The following MCM10 variants were observed in gnomAD, a reference collection of about 807,000 sequenced individuals.
MCM10 encodes the protein minichromosome maintenance 10 replication initiation factor.
In MCM10, 91 loss-of-function variants were observed where a neutral mutation model predicts 109.9. The observed-to-expected ratio is 0.83, with a 90% CI of 0.70 to 0.99. MCM10 has a LOEUF of 0.99. Ranked by LOEUF, MCM10 falls within the 50% of genes least tolerant of loss-of-function variation. MCM10 has a pLI of 0.00. For synonymous variants in MCM10, 380 were observed against 387.2 expected, an observed-to-expected ratio of 0.98 and a Z score of 0.22; for missense variants, 1,077 against 1,061.2, an observed-to-expected ratio of 1.01 and a Z score of -0.21.
At position 13,201,538 on chromosome 10, in the gene MCM10, G is replaced by A; in HGVS notation, c.2352+4G>A. 2 of 1,599,992 alleles carry A rather than the reference G, an allele frequency of 1.3e-6. No individual in the cohort carries two copies. The highest frequency in any genetic ancestry group is 1.7e-6 in the Non-Finnish European group (2 of 1,172,036). ...CCGTGTCGTGACATGCAAGACGGTG[G>A]GTGAAGGTGGGGGCTGCAGCAACCC... On this transcript the variant is annotated splice_donor_region_variant and intron_variant, in intron 17 of 19. Transcript: ENST00000378714.
intron 8 of MCM10, among the ~76,000 whole-genome samples, chr10:13,185,554 A>T (rs1834264241): frequency 6.6e-6 from 1 of 152,208 alleles, no homozygotes; most frequent in South Asian, 2.1e-4. Context: ...CTTATCACAT[A>T]ACCAATGCTA....
intron 16 of MCM10, among the ~76,000 whole-genome samples, chr10:13,200,698 C>T (rs78709973): frequency 0.051 from 7,832 of 152,342 alleles, 276 homozygotes; most frequent in Admixed American, 0.086. Flanking sequence ...TCCCTGATGT[C>T]CCGTGCACCC....
At position 13,192,289 on chromosome 10, in the gene MCM10, G is replaced by A. The variant is rs1345698434; in HGVS notation, c.1551G>A (p.Glu517=). The change falls in exon 12 of 20, where the codon GAG becomes GAA. Residue 517 remains glutamate, a synonymous_variant. Transcript: ENST00000378714. ...AGAAGAGCCTGTCTTGCTCTGAGGA[G>A]TTCAAGGAACTGATGGACCTGCCGA... ...IPQKSLSCSE[E]FKELMDLPTC... is the part of the protein sequence containing the mutation. The A allele has an allele frequency of 6.2e-7, 1 of 1,614,168 alleles. No homozygotes were observed. The highest frequency in any genetic ancestry group is 8.5e-7 in the Non-Finnish European group (1 of 1,180,008).
intron 2 of MCM10, among the ~76,000 whole-genome samples, chr10:13,166,751 G>C (rs1834007101): frequency 6.6e-6 from 1 of 150,820 alleles, no homozygotes; most frequent in Admixed American, 6.6e-5. Flanking sequence ...ACAGTGTGAA[G>C]TGGTCAGAGC....
rs762440212 is a variant in MCM10, at chr10:13,195,264, A to G, written c.1969A>G (p.Lys657Glu). The change falls in exon 14 of 20, where the codon AAA becomes GAA. Residue 657 changes from lysine to glutamate, a missense_variant. Physicochemically the swap from Lys to Glu is moderately conservative, Grantham distance 56. Transcript: ENST00000378714. The part of the protein sequence containing the change: ...RPKLSALAEA[K>E]KLAAITKLRA... ...AAAACTGAGTGCTTTAGCAGAAGCC[A>G]AAAAGGTAACTGGCATCTCTTCTCT... 1.3e-6 allele frequency: 2 copies of G among 1,593,380 alleles called. No individual in the cohort carries two copies. Among genetic ancestry groups the G allele is most frequent in the Non-Finnish European group, 1.7e-6 (2 of 1,168,200 alleles).
chr10:13,203,919 C>T (rs1045142868), intron 17 of MCM10, among the ~76,000 whole-genome samples: 1 of 152,170 alleles, frequency 6.6e-6, no homozygotes. Flanking sequence ...CAGTACGTTT[C>T]CTCTCCTGCC....
chr10:13,201,568 G>A (rs761341265), intron 17 of MCM10, 34 bp downstream of exon 17: 4 of 1,487,012 alleles, frequency 2.7e-6, no homozygotes, highest in Middle Eastern at 1.9e-4. Context: ...CAACCCATGG[G>A]CCCTGTGTGG....
At position 13,171,259 on chromosome 10, in the gene MCM10, G is replaced by C; in HGVS notation, c.345G>C (p.Leu115Phe). 1.2e-6 allele frequency: 2 copies of C among 1,606,364 alleles called. No individual in the cohort carries two copies. The highest frequency in any genetic ancestry group is 1.7e-4 in the Middle Eastern group (1 of 5,928). ...APRREKTNEE[L>F]QEELRNLQEQ... ...GGCGAGAGAAAACGAATGAAGAGTT[G>C]CAAGGTGCCCTAACTACTTGCCTTC... The change falls in exon 3 of 20, where the codon TTG becomes TTC. Residue 115 changes from leucine (L) to phenylalanine (F), a missense_variant. By Grantham distance (22) the Leu-to-Phe change is conservative. Coordinates refer to ENST00000378714, the MANE Select transcript of MCM10 (RefSeq NM_018518.5).
rs1476415290 is a variant in MCM10, at chr10:13,204,450, T to C, written c.2498+86T>C. 36 of 1,511,348 alleles carry C rather than the reference T, an allele frequency of 2.4e-5. No individual in the cohort carries two copies. In the South Asian group the frequency reaches 3.4e-4, roughly 14 times the overall value. 93.6% of individuals were successfully genotyped at this position (1,511,348 alleles called of 1,614,324 possible). On this transcript the variant is annotated intron_variant, in intron 18 of 19. Transcript: ENST00000378714. ...TCTGTGATTCTGTTCCCTTGGAACG[T>C]TGGATGATCATTCCATGCCTTCCTA...
intron 9 of MCM10, 58 bp from the exon 10 acceptor site, chr10:13,188,823 C>A: frequency 1.4e-6 from 2 of 1,429,530 alleles, no homozygotes; most frequent in South Asian, 2.3e-5. Context: ...TGTGTCTGCT[C>A]ACTGCTGTTT....
intron 15 of MCM10, 57 bp from the exon 16 acceptor site, chr10:13,198,632 C>T (rs1036503185): frequency 1.8e-5 from 20 of 1,110,832 alleles, no homozygotes; most frequent in African/African-American, 7.7e-5. Context: ...GTTGATGAGG[C>T]GCACTGGCTT....
intron 15 of MCM10, 149 bp downstream of exon 15, chr10:13,197,916 GAT>G: frequency 1.7e-6 from 1 of 605,700 alleles, no homozygotes. Context: ...GGGTGGAACT[GAT>G]TTTTTTTTTT....
chr10:13,163,590 A>AGGGT (rs976932893), intron 1 of MCM10, among the ~76,000 whole-genome samples: 2 of 128,088 alleles, frequency 1.6e-5, no homozygotes, highest in African/African-American at 5.4e-5. Flanking sequence ...CCACCTAAGT[A>AGGGT]GAATCATACA....
Position 13,192,521 on chromosome 10 carries a change from G to C in MCM10, c.1698G>C (p.Gln566His), listed in dbSNP as rs751286859. The change falls in exon 13 of 20, where the codon CAG becomes CAC. Residue 566 changes from glutamine to histidine, a missense_variant. By Grantham distance (24) the Gln-to-His change is conservative. Coordinates refer to ENST00000378714, the MANE Select transcript of MCM10 (RefSeq NM_018518.5). Reference protein sequence around the residue: ...SASALLKQQKQRMLEMRRRKS... With the variant: ...SASALLKQQKHRMLEMRRRKS... ...CAGCACTCTTGAAGCAACAGAAGCA[G>C]CGGATGTTGGAGATGAGGAGAAGGA... 7.4e-6 allele frequency: 12 copies of C among 1,614,090 alleles called. No individual in the cohort carries two copies. The Admixed American group carries it at 1.7e-4, about 22-fold the overall frequency.
At position 13,182,266 on chromosome 10, in the gene MCM10, G is replaced by C. The variant is rs2131570204; in HGVS notation, c.931-667G>C. Among the ~76,000 whole-genome samples, 1 of 152,090 alleles carries C rather than the reference G, an allele frequency of 6.6e-6. No individual in the cohort carries two copies. Among genetic ancestry groups the C allele is most frequent in the East Asian group, 1.9e-4 (1 of 5,166 alleles). Reference sequence around the variant, plus strand: ...GGGTGGGAGGATCACTTGAGCCCAGGAATTCATGACCAGTCTGGGCAACAT... The same window carrying C: ...GGGTGGGAGGATCACTTGAGCCCAGCAATTCATGACCAGTCTGGGCAACAT... On this transcript the variant is annotated intron_variant, in intron 7 of 19. Transcript: ENST00000378714. The surrounding 1 kb of genome is among the most constrained non-coding windows in gnomAD (Gnocchi z 4.2).
chr10:13,175,588 G>A lies in MCM10; in HGVS notation c.671G>A (p.Gly224Glu), dbSNP rs1834131381. The change falls in exon 6 of 20, where the codon GGG becomes GAG. Residue 224 changes from glycine (G) to glutamate (E), a missense_variant. Coordinates refer to ENST00000378714, the MANE Select transcript of MCM10 (RefSeq NM_018518.5). ...LQTISRNKPS[G>E]ITRGQIVGTP... is the part of the protein sequence containing the mutation. The stretch of plus-strand genomic sequence containing the variant: ...ACGATTTCTCGGAACAAACCTAGTG[G>A]GATAACTAGAGGTCAAATTGTGGGG... The A allele has an allele frequency of 2.5e-6, 4 of 1,613,896 alleles. No individual in the cohort carries two copies. The highest frequency in any genetic ancestry group is 1.6e-4 in the Middle Eastern group (1 of 6,062).
chr10:13,210,631 A>G lies in MCM10; in HGVS notation c.*1321A>G, dbSNP rs1015158875. The G allele has an allele frequency of 6.6e-6, 1 of 152,212 alleles. No individual in the cohort carries two copies. The highest frequency in any genetic ancestry group is 1.5e-5 in the Non-Finnish European group (1 of 68,036). 9.4% of individuals were successfully genotyped at this position (152,212 alleles called of 1,614,324 possible). On this transcript the variant is annotated 3_prime_UTR_variant, in exon 20 of 20. Transcript: ENST00000378714. ...ATTTACATGCCTTAGATTTCATAAAATTCTGCTCTAATTGGGTGGAAGGTG... is the reference window on the plus strand; with the variant it reads ...ATTTACATGCCTTAGATTTCATAAAGTTCTGCTCTAATTGGGTGGAAGGTG...
chr10:13,206,810 T>C (rs1055542663), intron 18 of MCM10, among the ~76,000 whole-genome samples: 1 of 148,594 alleles, frequency 6.7e-6, no homozygotes, highest in African/African-American at 2.5e-5. Context: ...TTTTTTTTTT[T>C]CCTTCTTTTT....
intron 6 of MCM10, among the ~76,000 whole-genome samples, chr10:13,176,880 C>A (rs1834148573): frequency 6.6e-6 from 1 of 152,216 alleles, no homozygotes; most frequent in Non-Finnish European, 1.5e-5. Flanking sequence ...GGCAACAGAA[C>A]AAGACCTTGT....
Sources: gnomAD v4.1 joint callset for allele counts (sites outside exome capture counted in the v4.1 genomes callset) on GRCh38, gnomAD v4.1.1 for gene constraint, Gnocchi (gnomAD v3.1) non-coding constraint, MANE v1.5 for transcripts, NCBI Gene and HGNC (gene_info 2026-07-23, HGNC 2026-07-21) for gene names.